The following ARFGEF3 variants were observed in gnomAD, a reference collection of about 807,000 sequenced individuals.
ARFGEF3 encodes the protein brefeldin A-inhibited guanine nucleotide-exchange protein 3.
In ARFGEF3, 96 loss-of-function variants were observed where a neutral mutation model predicts 221.7. The observed-to-expected ratio is 0.43, with a 90% CI of 0.37 to 0.51. ARFGEF3 has a LOEUF of 0.51. ARFGEF3 is among the 20% of genes least tolerant of loss of function. The pLI, the probability that ARFGEF3 is intolerant of heterozygous loss-of-function variation, is 0.00. For synonymous variants in ARFGEF3, 1,145 were observed against 1,126.8 expected (o/e 1.02, Z -0.32); for missense variants, 2,410 against 2,789.9 (o/e 0.86, Z 3.07).
intron 22 of ARFGEF3, among the ~76,000 whole-genome samples, chr6:138,301,237 G>C (rs183219909): frequency 9.2e-5 from 14 of 152,166 alleles, no homozygotes; most frequent in Admixed American, 7.9e-4. Context: ...ACCATCTGAG[G>C]GGTCTGGAAA....
chr6:138,328,197 C>T, intron 32 of ARFGEF3, 55 bp downstream of exon 32: 2 of 1,511,514 alleles, frequency 1.3e-6, no homozygotes, highest in Non-Finnish European at 8.9e-7. Flanking sequence ...TGTTCATTCA[C>T]TTCCAGTTCT....
intron 19 of ARFGEF3, 146 bp downstream of exon 19, chr6:138,292,199 C>T (rs1051526307): frequency 1.2e-5 from 9 of 734,606 alleles, no homozygotes; most frequent in Non-Finnish European, 1.4e-5. Flanking sequence ...GTTCTCTCTA[C>T]CATTACATCC....
intron 9 of ARFGEF3, among the ~76,000 whole-genome samples, chr6:138,255,089 A>G (rs1778650708): frequency 6.6e-6 from 1 of 152,246 alleles, no homozygotes. Flanking sequence ...AGGTGTCAGT[A>G]TGGAATTTGC....
At chr6:138,299,244 G>C (rs1779585419) in intron 22 of ARFGEF3, among the ~76,000 whole-genome samples, 1 of 135,176 alleles carries the variant, frequency 7.4e-6, no homozygotes, top group Non-Finnish European at 1.6e-5. Flanking sequence ...TAAGCAATTT[G>C]ACTAGACACA....
rs147242399 is a variant in ARFGEF3, at chr6:138,192,763, A to G, written c.138-14279A>G. ...AGGACTTTGACTAACATAGCTTCTTATCAGATCATTCTAACACTGCTTGAG... is the reference window on the plus strand; with the variant it reads ...AGGACTTTGACTAACATAGCTTCTTGTCAGATCATTCTAACACTGCTTGAG... On this transcript the variant is annotated intron_variant, in intron 2 of 33. Transcript: ENST00000251691. 7.3e-3 allele frequency among the ~76,000 whole-genome samples: 1,105 copies of G among 152,310 alleles called. 8 individuals carry two copies. The highest frequency in any genetic ancestry group is 0.034 in the Middle Eastern group (10 of 294).
intron 23 of ARFGEF3, among the ~76,000 whole-genome samples, 152 bp downstream of exon 23, chr6:138,307,549 C>A (rs989433348): frequency 6.6e-6 from 1 of 152,196 alleles, no homozygotes; most frequent in Non-Finnish European, 1.5e-5. Context: ...GAACATGAGT[C>A]CTGAGTTCTG....
chr6:138,243,088 G>GCT (rs1429510216), intron 7 of ARFGEF3, 94 bp downstream of exon 7: 1 of 990,026 alleles, frequency 1.0e-6, no homozygotes, highest in Non-Finnish European at 1.6e-6. Context: ...ATGTCTAGGA[G>GCT]CTCTCGGTTG....
At chr6:138,331,453 G>A (rs1780226144) in intron 32 of ARFGEF3, among the ~76,000 whole-genome samples, 1 of 152,196 alleles carries the variant, frequency 6.6e-6, no homozygotes, top group Admixed American at 6.5e-5. Context: ...TTATATGCTA[G>A]CCAGGTCCAT....
chr6:138,226,403 T>C (rs1280500167), intron 4 of ARFGEF3, among the ~76,000 whole-genome samples: 1 of 152,226 alleles, frequency 6.6e-6, no homozygotes. Context: ...TTCTTGCATA[T>C]AGTAGCTATT....
chr6:138,288,653 C>T (rs1287956354), intron 17 of ARFGEF3, among the ~76,000 whole-genome samples: 1 of 152,144 alleles, frequency 6.6e-6, no homozygotes, highest in East Asian at 1.9e-4. Context: ...CCACTGCACT[C>T]CAGCCTGGGT....
chr6:138,225,199 T>G (rs1252552975), intron 4 of ARFGEF3, among the ~76,000 whole-genome samples: 1 of 152,240 alleles, frequency 6.6e-6, no homozygotes, highest in Non-Finnish European at 1.5e-5. Context: ...TTGCCCTAGT[T>G]TATCTCCTTT....
intron 12 of ARFGEF3, among the ~76,000 whole-genome samples, chr6:138,271,302 A>G (rs1446358425): frequency 1.3e-5 from 2 of 152,244 alleles, no homozygotes; most frequent in Non-Finnish European, 2.9e-5. Context: ...CCTCGTCTCT[A>G]CAAAAAAAGA....
At chr6:138,176,181 ATTTTTTTTTTTTTTT>A (rs3044799) in intron 2 of ARFGEF3, among the ~76,000 whole-genome samples, 3 of 136,978 alleles carry the variant, frequency 2.2e-5, no homozygotes, top group Non-Finnish European at 4.7e-5. Context: ...TGGTAGTTGG[ATTTTTTTTTTTTTTT>A]TTTTAGACGG....
In ARFGEF3 at chr6:138,335,170, C is replaced by A; in HGVS notation, c.6324C>A (p.Asp2108Glu). 1 of 1,552,090 alleles carries A rather than the reference C, an allele frequency of 6.4e-7. No individual in the cohort carries two copies. The highest frequency in any genetic ancestry group is 8.6e-7 in the Non-Finnish European group (1 of 1,156,708). The change falls in exon 33 of 34, where the codon GAC (aspartate) becomes GAA (glutamate). Residue 2108 changes from aspartate (D) to glutamate (E), a missense_variant. By Grantham distance (45) the Asp-to-Glu change is conservative (BLOSUM62 2). This residue lies in a region of ARFGEF3 where 339 missense variants were observed against 334.9 expected (regional missense o/e 1.01). Transcript: ENST00000251691. ...TGSSLSVSVR[D>E]AEAQIQAWTN... ...GCTCCCTCAGTGTCTCGGTGAGAGA[C>A]GCAGAAGCACAGATCCAGGTACATC...
Position 138,271,500 on chromosome 6 carries a change from T to C in ARFGEF3, c.2129-6951T>C, listed in dbSNP as rs537707290. On this transcript the variant is annotated intron_variant, in intron 12 of 33. Transcript: ENST00000251691. Reference sequence around the variant, plus strand: ...CTGCATTGTCTAAAGGTTTTACTGATATTAACTCATTTAATACTCATAACA... The same window carrying C: ...CTGCATTGTCTAAAGGTTTTACTGACATTAACTCATTTAATACTCATAACA... Among the ~76,000 whole-genome samples the C allele has an allele frequency of 8.4e-4, 128 of 152,232 alleles. 1 individual carries two copies. The highest frequency in any genetic ancestry group is 1.3e-3 in the Non-Finnish European group (87 of 68,040).
chr6:138,289,689 T>G, intron 17 of ARFGEF3, 129 bp from the exon 18 acceptor site: 4 of 938,236 alleles, frequency 4.3e-6, no homozygotes, highest in Non-Finnish European at 6.6e-6. Context: ...GGACCTACTG[T>G]GGAGGTGCTT....
chr6:138,247,792 A>G (rs1367396200), intron 8 of ARFGEF3, among the ~76,000 whole-genome samples: 1 of 152,200 alleles, frequency 6.6e-6, no homozygotes, highest in Admixed American at 6.5e-5. Flanking sequence ...TATAAAACGC[A>G]TTCATGTTTT....
At chr6:138,262,617 G>T (rs1379416768) in intron 11 of ARFGEF3, 84 bp from the exon 12 acceptor site, 54 of 1,365,752 alleles carry the variant, frequency 4.0e-5, no homozygotes, top group Non-Finnish European at 4.6e-5. Flanking sequence ...TTTGCTGTTT[G>T]CCAGGCTAAC....
intron 1 of ARFGEF3, among the ~76,000 whole-genome samples, chr6:138,163,778 AGT>A (rs1329088160): frequency 2.6e-5 from 4 of 152,182 alleles, no homozygotes; most frequent in Non-Finnish European, 5.9e-5. Context: ...TTCCTTTCCC[AGT>A]GATTGTTCTG....
Sources: gnomAD v4.1 joint callset for allele counts (sites outside exome capture counted in the v4.1 genomes callset) on GRCh38, gnomAD v4.1.1 for gene constraint, gnomAD v4.1.1 regional missense constraint, MANE v1.5 for transcripts, NCBI Gene and HGNC (gene_info 2026-07-23, HGNC 2026-07-21) for gene names.